The following GPR65 variants were observed in gnomAD, a reference collection of about 807,000 sequenced individuals.
GPR65 encodes the protein G protein-coupled receptor 65.
GPR65 carries 2 observed loss-of-function variants against 0.7 expected under a neutral mutation model. That is an observed-to-expected ratio of 2.83 (90% CI 1.16 to 8.92). GPR65 has a LOEUF of 8.92. Ranked by LOEUF, GPR65 falls within the 30% of genes most tolerant of loss-of-function variation. The pLI, the probability that GPR65 is intolerant of heterozygous loss-of-function variation, is 0.04. For synonymous variants in GPR65, 128 were observed against 146.5 expected (o/e 0.87, Z 0.91); for missense variants, 379 against 399.4 (o/e 0.95, Z 0.43).
rs1887721312 is a variant in GPR65, at chr14:88,013,580, T to C, written c.*1719T>C. 1 of 152,028 alleles carries C rather than the reference T, an allele frequency of 6.6e-6. No individual in the cohort carries two copies. Among genetic ancestry groups the C allele is most frequent in the African/African-American group, 2.4e-5 (1 of 41,390 alleles). The allele number at this position is 152,028 out of a possible 1,614,324, so 9.4% of individuals were successfully genotyped here. The stretch of plus-strand genomic sequence containing the variant: ...GGTGCCCTCACATTAAAAAACAAAA[T>C]ATTGAGCCGGGCGCGGTGGCTCATG... On this transcript the variant is annotated 3_prime_UTR_variant, in exon 2 of 2. Coordinates refer to ENST00000267549, the MANE Select transcript of GPR65 (RefSeq NM_003608.4).
rs1335440037 is a variant in GPR65 at position 88,011,343 on chromosome 14, A to T, written c.496A>T (p.Asn166Tyr). 6.2e-7 allele frequency: 1 copy of T among 1,614,068 alleles called. No individual in the cohort carries two copies. The highest frequency in any genetic ancestry group is 8.5e-7 in the Non-Finnish European group (1 of 1,179,986). Residue 166 changes from asparagine (N) to tyrosine (Y), a missense_variant, in exon 2 of 2, where the codon AAT becomes TAT. Physicochemically the swap from Asn to Tyr is moderately radical, Grantham distance 143. Transcript: ENST00000267549. ...TGAATATTGCGATGCCGAAAAGTCT[A>T]ATTTTACTTTATGCTATGACAAATA... ...VVEYCDAEKS[N>Y]FTLCYDKYPL...
Position 88,012,993 on chromosome 14 carries a change from A to T in GPR65, c.*1132A>T, listed in dbSNP as rs1887710676. The T allele has an allele frequency of 6.6e-6, 1 of 151,468 alleles. No homozygotes were observed. The highest frequency in any genetic ancestry group is 6.6e-5 in the Admixed American group (1 of 15,202). The allele number at this position is 151,468 out of a possible 1,614,324, so 9.4% of individuals were successfully genotyped here. A position where few individuals can be genotyped will look rare whatever the true frequency, so the allele number is the denominator to read the frequency against. ...AAGTTTAATGCATAGACAAATAAAT[A>T]GTTCTATTATATCTTTCTTTTTGGA... On this transcript the variant is annotated 3_prime_UTR_variant, in exon 2 of 2. Coordinates refer to ENST00000267549, the MANE Select transcript of GPR65 (RefSeq NM_003608.4).
intron 1 of GPR65, among the ~76,000 whole-genome samples, chr14:88,007,987 G>T (rs1887620447): frequency 6.6e-6 from 1 of 151,834 alleles, no homozygotes; most frequent in Non-Finnish European, 1.5e-5. Flanking sequence ...TTCATAATTA[G>T]GTAAATTATT....
In GPR65 at chr14:88,011,509, A is replaced by T. The variant is rs1305428247; in HGVS notation, c.662A>T (p.Lys221Met). 6.2e-7 allele frequency: 1 copy of T among 1,614,080 alleles called. No homozygotes were observed. Among genetic ancestry groups the T allele is most frequent in the Non-Finnish European group, 8.5e-7 (1 of 1,179,988 alleles). ...AATAAAGCCACGGAAAACAAGGAAA[A>T]GAAGAGAATCATAAAACTACTTGTC... ...RHNKATENKE[K>M]KRIIKLLVSI... Residue 221 changes from lysine (K) to methionine (M), a missense_variant, in exon 2 of 2, where the codon AAG becomes ATG. Transcript: ENST00000267549.
chr14:88,010,859 A>G lies in GPR65; in HGVS notation c.12A>G (p.Thr4=), dbSNP rs373108252. 5 of 1,610,580 alleles carry G rather than the reference A, an allele frequency of 3.1e-6. No individual in the cohort carries two copies. Among genetic ancestry groups the G allele is most frequent in the African/African-American group, 2.7e-5 (2 of 74,864 alleles). MNS[T]CIEEQHDLDH... Reference sequence around the variant, plus strand: ...TTAAAAAGGAAAAAATGAACAGCACATGTATTGAAGAACAGCATGACCTGG... The same window carrying G: ...TTAAAAAGGAAAAAATGAACAGCACGTGTATTGAAGAACAGCATGACCTGG... Residue 4 remains threonine, a synonymous_variant, in exon 2 of 2, where the codon ACA becomes ACG. Coordinates refer to ENST00000267549, the MANE Select transcript of GPR65 (RefSeq NM_003608.4).
In GPR65 at chr14:88,008,317, A is replaced by G. The variant is rs187458617; in HGVS notation, c.-459-2072A>G. 1.0e-3 allele frequency among the ~76,000 whole-genome samples: 152 copies of G among 152,288 alleles called. 1 individual carries two copies. The highest frequency in any genetic ancestry group is 3.4e-3 in the Middle Eastern group (1 of 294). ...AGAAGTCCTCCTCATGCCCTCTTCC[A>G]ACAGTACTCAGCCTTTCCCCAGAGG... On this transcript the variant is annotated intron_variant, in intron 1 of 1. Transcript: ENST00000267549.
At position 88,011,656 on chromosome 14, in the gene GPR65, C is replaced by A; in HGVS notation, c.809C>A (p.Thr270Lys). 3.1e-6 allele frequency: 5 copies of A among 1,613,696 alleles called. No individual in the cohort carries two copies. The highest frequency in any genetic ancestry group is 3.4e-6 in the Non-Finnish European group (4 of 1,179,630). Reference protein sequence around the residue: ...DHSNSGKRTYTMYRITVALTS... With the variant: ...DHSNSGKRTYKMYRITVALTS... The stretch of plus-strand genomic sequence containing the variant: ...AGCAATTCTGGGAAGCGAACTTACA[C>A]AATGTATAGAATCACGGTTGCATTA... The change falls in exon 2 of 2, where the codon ACA becomes AAA. Residue 270 changes from threonine to lysine, a missense_variant. Coordinates refer to ENST00000267549, the MANE Select transcript of GPR65 (RefSeq NM_003608.4).
intron 1 of GPR65, among the ~76,000 whole-genome samples, chr14:88,006,778 G>A (rs960194842): frequency 5.3e-5 from 8 of 152,104 alleles, no homozygotes; most frequent in African/African-American, 1.7e-4. Flanking sequence ...GGTGTTGGAC[G>A]TGTTGTGTGT....
In GPR65 at chr14:88,011,285, T is replaced by C; in HGVS notation, c.438T>C (p.Asn146=). The change falls in exon 2 of 2, where the codon AAT becomes AAC. Residue 146 remains asparagine (N), a synonymous_variant. Coordinates refer to ENST00000267549, the MANE Select transcript of GPR65 (RefSeq NM_003608.4). Reference sequence around the variant, plus strand: ...TCTGGATATTGGAAACCATCTTCAATGCTGTCATGTTGTGGGAAGATGAAA... The same window carrying C: ...TCTGGATATTGGAAACCATCTTCAACGCTGTCATGTTGTGGGAAGATGAAA... ...LSIWILETIF[N]AVMLWEDETV... 1 of 1,613,796 alleles carries C rather than the reference T, an allele frequency of 6.2e-7. No individual in the cohort carries two copies. The highest frequency in any genetic ancestry group is 1.1e-5 in the South Asian group (1 of 91,082).
At position 88,014,721 on chromosome 14, in the gene GPR65, A is replaced by T. The variant is rs1887739556; in HGVS notation, c.*2860A>T. 6.6e-6 allele frequency: 1 copy of T among 152,232 alleles called. No homozygotes were observed. 9.4% of individuals were successfully genotyped at this position (152,232 alleles called of 1,614,324 possible). On this transcript the variant is annotated 3_prime_UTR_variant, in exon 2 of 2. Transcript: ENST00000267549. Reference sequence around the variant, plus strand: ...AATCCAGGTACATAGCCATAAAGGGATGAGCTAGAGAGGTCTCCATATTAT... The same window carrying T: ...AATCCAGGTACATAGCCATAAAGGGTTGAGCTAGAGAGGTCTCCATATTAT...
rs747191304 is a variant in GPR65, at chr14:88,010,842, G to GA, written c.1dup. The GA allele has an allele frequency of 6.3e-7, 1 of 1,596,522 alleles. No individual in the cohort carries two copies. The highest frequency in any genetic ancestry group is 1.7e-5 in the Admixed American group (1 of 59,332). Reference sequence around the variant, plus strand: ...CTAATATAATTGCTACCTTAAAAAGGAAAAAATGAACAGCACATGTATTGA... The same window carrying GA: ...CTAATATAATTGCTACCTTAAAAAGGAAAAAAATGAACAGCACATGTATTGA... On this transcript the variant is annotated 5_prime_UTR_variant, in exon 2 of 2. Transcript: ENST00000267549.
intron 1 of GPR65, among the ~76,000 whole-genome samples, chr14:88,008,938 C>A (rs967569063): frequency 6.6e-6 from 1 of 152,082 alleles, no homozygotes; most frequent in Non-Finnish European, 1.5e-5. Flanking sequence ...AGTGAGGACC[C>A]CACAGGCCAC....
chr14:88,008,109 A>C (rs68177277), intron 1 of GPR65, among the ~76,000 whole-genome samples: 17,762 of 152,162 alleles, frequency 0.12, 1,423 homozygotes, highest in African/African-American at 0.21. Flanking sequence ...TTTGTTTGTC[A>C]AGATGCTCTA....
At position 88,010,827 on chromosome 14, in the gene GPR65, T is replaced by A. The variant is rs1013265871; in HGVS notation, c.-21T>A. The A allele has an allele frequency of 1.3e-6, 2 of 1,554,246 alleles. No homozygotes were observed. Among genetic ancestry groups the A allele is most frequent in the Non-Finnish European group, 1.8e-6 (2 of 1,129,258 alleles). On this transcript the variant is annotated 5_prime_UTR_variant, in exon 2 of 2. Coordinates refer to ENST00000267549, the MANE Select transcript of GPR65 (RefSeq NM_003608.4). ...TTTACTTTCTAAGAACTAATATAAT[T>A]GCTACCTTAAAAAGGAAAAAATGAA...
At position 88,008,995 on chromosome 14, in the gene GPR65, A is replaced by G. The variant is rs188152445; in HGVS notation, c.-459-1394A>G. ...TTATTGTAACTCCTCACAGAAACCA[A>G]GCAGAGGCAGGGAAATTGCCATCTT... On this transcript the variant is annotated intron_variant, in intron 1 of 1. Coordinates refer to ENST00000267549, the MANE Select transcript of GPR65 (RefSeq NM_003608.4). 1.8e-3 allele frequency among the ~76,000 whole-genome samples: 274 copies of G among 152,282 alleles called. 1 individual carries two copies. Among genetic ancestry groups the G allele is most frequent in the Non-Finnish European group, 3.2e-3 (219 of 68,008 alleles).
chr14:88,007,686 T>A lies in GPR65; in HGVS notation c.-460+2464T>A, dbSNP rs148952412. ...ACATATTAAACATATTTTGTGTTTTTTATATATATATATATAAATTTTATC... is the reference window on the plus strand; with the variant it reads ...ACATATTAAACATATTTTGTGTTTTATATATATATATATATAAATTTTATC... On this transcript the variant is annotated intron_variant, in intron 1 of 1. Transcript: ENST00000267549. Among the ~76,000 whole-genome samples, 484 of 149,524 alleles carry A rather than the reference T, an allele frequency of 3.2e-3. 4 individuals carry two copies. Among genetic ancestry groups the A allele is most frequent in the African/African-American group, 8.7e-3 (359 of 41,066 alleles).
intron 1 of GPR65, among the ~76,000 whole-genome samples, chr14:88,007,058 T>C (rs999871889): frequency 2.6e-5 from 4 of 152,208 alleles, no homozygotes; most frequent in African/African-American, 9.7e-5. Context: ...TTATCGCTGT[T>C]GAGAAGTCTT....
chr14:88,005,554 G>C (rs992557150), intron 1 of GPR65, among the ~76,000 whole-genome samples: 39 of 152,282 alleles, frequency 2.6e-4, no homozygotes, highest in South Asian at 6.2e-4. Context: ...TGGCTTTAGA[G>C]CTATCTGGCA....
Position 88,011,693 on chromosome 14 carries a change from T to A in GPR65, c.846T>A (p.Asn282Lys), listed in dbSNP as rs371613315. Reference protein sequence around the residue: ...YRITVALTSLNCVADPILYCF... With the variant: ...YRITVALTSLKCVADPILYCF... The stretch of plus-strand genomic sequence containing the variant: ...TCACGGTTGCATTAACAAGTTTAAA[T>A]TGTGTTGCTGATCCAATTCTGTACT... Residue 282 changes from asparagine (N) to lysine (K), a missense_variant, in exon 2 of 2, where the codon AAT becomes AAA. By Grantham distance (94) the Asn-to-Lys change is moderately conservative (BLOSUM62 0). Coordinates refer to ENST00000267549, the MANE Select transcript of GPR65 (RefSeq NM_003608.4). The A allele has an allele frequency of 1.9e-6, 3 of 1,613,780 alleles. No homozygotes were observed. In the African/African-American group the frequency reaches 4.0e-5, roughly 22 times the overall value.
Sources: gnomAD v4.1 joint callset for allele counts (sites outside exome capture counted in the v4.1 genomes callset) on GRCh38, gnomAD v4.1.1 for gene constraint, MANE v1.5 for transcripts, NCBI Gene and HGNC (gene_info 2026-07-23, HGNC 2026-07-21) for gene names.